Variants in WWP2 observed in about 807,000 individuals in gnomAD.
The protein encoded by WWP2 is WW domain containing E3 ubiquitin protein ligase 2.
Under a neutral mutation model 121.0 loss-of-function variants are expected in WWP2, and 57 were observed. The observed-to-expected ratio is 0.47, with a 90% CI of 0.38 to 0.59. The LOEUF (loss-of-function observed/expected upper bound fraction) is 0.59, where lower values mean the gene tolerates loss of function less well. Among genes scored for constraint, WWP2 ranks in the 20% least tolerant of loss-of-function variants. The probability of loss-of-function intolerance (pLI) is 0.00; values close to 1 mark genes in which losing one functional copy is unlikely to be tolerated. For missense variants in WWP2, 962 were observed against 1,158.9 expected (o/e 0.83, Z 2.47); for synonymous variants, 449 against 441.3 (o/e 1.02, Z -0.22).
At chr16:69,907,942 T>C (rs1014935188) in intron 8 of WWP2, among the ~76,000 whole-genome samples, 1 of 152,184 alleles carries the variant, frequency 6.6e-6, no homozygotes, top group Non-Finnish European at 1.5e-5. Flanking sequence ...GGGGTAGTCA[T>C]AGAACCTGTG....
intron 4 of WWP2, among the ~76,000 whole-genome samples, chr16:69,800,303 G>C (rs2056135104): frequency 6.6e-6 from 1 of 152,072 alleles, no homozygotes; most frequent in South Asian, 2.1e-4. Context: ...TTCTGAATTG[G>C]TGTTTATTTT....
intron 4 of WWP2, among the ~76,000 whole-genome samples, chr16:69,820,170 A>T (rs2056566343): frequency 6.6e-6 from 1 of 152,114 alleles, no homozygotes; most frequent in Admixed American, 6.5e-5. Context: ...GTGGTCGAGG[A>T]TGCAGTGAAC....
At chr16:69,770,971 A>G (rs1028331963) in intron 1 of WWP2, among the ~76,000 whole-genome samples, 1 of 126,088 alleles carries the variant, frequency 7.9e-6, no homozygotes, top group African/African-American at 3.1e-5. Flanking sequence ...TGTCTCTATT[A>G]AAAAAAAAAA....
At chr16:69,898,529 A>C (rs9935008) in intron 8 of WWP2, among the ~76,000 whole-genome samples, 1 of 152,184 alleles carries the variant, frequency 6.6e-6, no homozygotes, top group Non-Finnish European at 1.5e-5. Flanking sequence ...TGAATGGTAC[A>C]TCTTTGAGGA....
intron 4 of WWP2, among the ~76,000 whole-genome samples, chr16:69,830,286 C>G (rs1269210033): frequency 1.3e-5 from 2 of 151,972 alleles, no homozygotes; most frequent in Non-Finnish European, 2.9e-5. Flanking sequence ...AGATGAGGGT[C>G]TCACTTTGTT....
Position 69,931,258 on chromosome 16 carries a change from G to T in WWP2, c.1521+31G>T, listed in dbSNP as rs940168796. ...TTCTGGTACTGGGGCTCCCGTGGCAGTTGGGGTTATTGAGTTATTTCAGTG... is the reference window on the plus strand; with the variant it reads ...TTCTGGTACTGGGGCTCCCGTGGCATTTGGGGTTATTGAGTTATTTCAGTG... On this transcript the variant is annotated intron_variant, in intron 14 of 23. Transcript: ENST00000359154. 3.1e-6 allele frequency: 5 copies of T among 1,613,054 alleles called. No individual in the cohort carries two copies. The South Asian group carries it at 4.4e-5, about 14-fold the overall frequency.
intron 4 of WWP2, among the ~76,000 whole-genome samples, chr16:69,813,453 C>T (rs1271401896): frequency 2.0e-5 from 3 of 151,184 alleles, no homozygotes; most frequent in African/African-American, 4.9e-5. Context: ...TGAGCCACTG[C>T]GCCCAGCCTT....
At chr16:69,870,795 A>C (rs939444186) in intron 6 of WWP2, among the ~76,000 whole-genome samples, 3 of 152,226 alleles carry the variant, frequency 2.0e-5, no homozygotes, top group Non-Finnish European at 4.4e-5. Context: ...GAACCGAAGG[A>C]CAGGGAGGCT....
chr16:69,910,631 G>A (rs567311892), intron 9 of WWP2, among the ~76,000 whole-genome samples: 1 of 152,250 alleles, frequency 6.6e-6, no homozygotes, highest in East Asian at 1.9e-4. Context: ...GGCTGGTCTT[G>A]AACTCTTGAC....
chr16:69,912,952 AAAAATATATATATATATATATAT>A, intron 9 of WWP2, among the ~76,000 whole-genome samples: 1 of 2,856 alleles, frequency 3.5e-4, no homozygotes, highest in Non-Finnish European at 5.9e-4. Context: ...AAAAAAAAAA[AAAAATATATATATATATATATAT>A]ATATATATAT....
intron 4 of WWP2, among the ~76,000 whole-genome samples, chr16:69,827,234 A>G (rs1475144827): frequency 6.6e-6 from 1 of 151,572 alleles, no homozygotes; most frequent in African/African-American, 2.4e-5. Flanking sequence ...CTCAAACACA[A>G]CTTATCATTT....
chr16:69,875,239 G>T (rs1240226207), intron 7 of WWP2, among the ~76,000 whole-genome samples: 2 of 152,152 alleles, frequency 1.3e-5, no homozygotes, highest in Non-Finnish European at 2.9e-5. Context: ...ACAGCATTAT[G>T]TCTAAAAAAT....
chr16:69,936,594 C>T (rs1036799056), intron 19 of WWP2, 142 bp downstream of exon 19: 16 of 1,259,426 alleles, frequency 1.3e-5, no homozygotes, highest in Non-Finnish European at 1.5e-5. Context: ...TGCTGGTGGG[C>T]GGTCATGTGA....
intron 4 of WWP2, among the ~76,000 whole-genome samples, chr16:69,822,146 TATGAGCC>T (rs2151845947): frequency 6.6e-6 from 1 of 152,242 alleles, no homozygotes; most frequent in Admixed American, 6.5e-5. Context: ...GAGTTACAGG[TATGAGCC>T]ATCATGCCTG....
At chr16:69,862,582 T>C (rs879299567) in intron 6 of WWP2, among the ~76,000 whole-genome samples, 4 of 152,098 alleles carry the variant, frequency 2.6e-5, no homozygotes, top group Non-Finnish European at 4.4e-5. Flanking sequence ...GAAACTTCTC[T>C]TTTGCTGAAC....
chr16:69,772,189 G>T (rs12445239), intron 1 of WWP2, among the ~76,000 whole-genome samples: 3 of 151,916 alleles, frequency 2.0e-5, no homozygotes, highest in Admixed American at 6.6e-5. Flanking sequence ...TCGAACTCCC[G>T]AACTTGGGTG....
chr16:69,795,053 G>A (rs1225962021), intron 2 of WWP2, among the ~76,000 whole-genome samples: 1 of 152,104 alleles, frequency 6.6e-6, no homozygotes, highest in Non-Finnish European at 1.5e-5. Flanking sequence ...GGCCAATGGG[G>A]TGAAATCCCG....
chr16:69,914,463 G>A (rs1172305615), intron 9 of WWP2, among the ~76,000 whole-genome samples: 1 of 152,028 alleles, frequency 6.6e-6, no homozygotes, highest in Non-Finnish European at 1.5e-5. Flanking sequence ...AATTCCGATG[G>A]AAAATGATTT....
At chr16:69,810,567 A>G (rs1037887483) in intron 4 of WWP2, among the ~76,000 whole-genome samples, 3 of 150,842 alleles carry the variant, frequency 2.0e-5, no homozygotes, top group African/African-American at 4.9e-5. Flanking sequence ...AGCTGGGACT[A>G]TAGGCACCCA....
Sources: allele counts gnomAD v4.1 joint callset (sites outside exome capture counted in the v4.1 genomes callset), GRCh38; gene constraint gnomAD v4.1.1; transcripts MANE v1.5; gene names NCBI Gene and HGNC (gene_info 2026-07-23, HGNC 2026-07-21).